SCLT1: variants seen among roughly 807,000 people sequenced by gnomAD.
SCLT1 encodes the protein sodium channel-associated protein 1.
In SCLT1, 78 loss-of-function variants were observed where a neutral mutation model predicts 112.8. The ratio of observed to expected loss-of-function variants is 0.69; its 90% CI spans 0.58 to 0.83. SCLT1 has a LOEUF of 0.83. Among genes scored for constraint, SCLT1 ranks in the 40% least tolerant of loss-of-function variants. The pLI is 0.00. For missense variants in SCLT1, 747 were observed against 770.4 expected (o/e 0.97, Z 0.36); for synonymous variants, 257 against 254.7 (o/e 1.01, Z -0.09).
chr4:128,905,155 T>C (rs1214442028), intron 18 of SCLT1, among the ~76,000 whole-genome samples: 2 of 152,208 alleles, frequency 1.3e-5, no homozygotes, highest in East Asian at 3.9e-4. Context: ...ACTTCTTATC[T>C]ATCTCTTCCT....
chr4:128,907,170 T>G (rs1398813052), intron 18 of SCLT1, among the ~76,000 whole-genome samples: 3 of 151,974 alleles, frequency 2.0e-5, no homozygotes, highest in Non-Finnish European at 4.4e-5. Flanking sequence ...AAGCTGGAAG[T>G]GCAAGGAAAT....
chr4:128,874,167 G>C (rs1732401262), intron 5 of SCLT1: 3 of 152,544 alleles, frequency 2.0e-5, no homozygotes, highest in African/African-American at 7.2e-5. Flanking sequence ...TTAAAAATTA[G>C]ATTTTTTTTG....
chr4:128,994,229 TA>T (rs934054427), intron 8 of SCLT1, among the ~76,000 whole-genome samples: 1 of 152,118 alleles, frequency 6.6e-6, no homozygotes, highest in Non-Finnish European at 1.5e-5. Context: ...TCTGTTTCTA[TA>T]AATCTGTCTA....
chr4:128,926,245 C>T (rs900170635), intron 18 of SCLT1, among the ~76,000 whole-genome samples: 7 of 151,982 alleles, frequency 4.6e-5, no homozygotes, highest in African/African-American at 1.7e-4. Context: ...ATTCTTTTTA[C>T]TCTAGGCTAG....
intron 17 of SCLT1, among the ~76,000 whole-genome samples, chr4:128,939,758 A>C (rs1737523164): frequency 1.3e-5 from 2 of 152,302 alleles, no homozygotes; most frequent in South Asian, 4.1e-4. Context: ...CATATGATAA[A>C]TTGTTAAGGT....
At chr4:128,997,317 G>A (rs1743095677) in intron 8 of SCLT1, 1 of 151,840 alleles carries the variant, frequency 6.6e-6, no homozygotes, top group African/African-American at 2.4e-5. Flanking sequence ...ATTACCTGAA[G>A]TGTCATAATT....
chr4:129,075,431 A>G (rs1409963883), intron 2 of SCLT1, among the ~76,000 whole-genome samples: 1 of 152,174 alleles, frequency 6.6e-6, no homozygotes, highest in East Asian at 1.9e-4. Context: ...GTAATGTGTT[A>G]AATCATCAAT....
intron 1 of SCLT1, among the ~76,000 whole-genome samples, chr4:129,088,758 T>C (rs1752602075): frequency 6.6e-6 from 1 of 152,158 alleles, no homozygotes; most frequent in Non-Finnish European, 1.5e-5. Context: ...GGGGAAAAGA[T>C]TCCCTATTTA....
intron 4 of SCLT1, chr4:128,874,508 T>TA (rs3836574): frequency 0.48 from 73,073 of 151,612 alleles, 19,660 homozygotes; most frequent in African/African-American, 0.73. Flanking sequence ...CAAAAAATAT[T>TA]AAAAAAAACC....
chr4:129,037,180 G>A (rs373405893), intron 5 of SCLT1: 2 of 151,542 alleles, frequency 1.3e-5, no homozygotes, highest in South Asian at 2.1e-4. Context: ...AAAAAATTCT[G>A]TTCATCAAAC....
chr4:129,016,272 C>A (rs1421030839), intron 5 of SCLT1, among the ~76,000 whole-genome samples: 1 of 152,132 alleles, frequency 6.6e-6, no homozygotes, highest in Non-Finnish European at 1.5e-5. Context: ...TCAACTATCA[C>A]CTAGGTATTA....
intron 14 of SCLT1, among the ~76,000 whole-genome samples, chr4:128,950,485 T>C (rs1005174999): frequency 1.3e-5 from 2 of 152,202 alleles, no homozygotes; most frequent in Non-Finnish European, 2.9e-5. Context: ...TAAAAATTAC[T>C]ATTACAAAGT....
intron 5 of SCLT1, chr4:129,037,488 C>G (rs1747286836): frequency 6.6e-6 from 1 of 152,086 alleles, no homozygotes; most frequent in South Asian, 2.1e-4. Flanking sequence ...CTCTTGTAGT[C>G]AATATCCTAT....
chr4:128,948,864 T>G lies in SCLT1; in HGVS notation c.1219-294A>C, dbSNP rs73850062. 5.8e-3 allele frequency among the ~76,000 whole-genome samples: 876 copies of G among 152,304 alleles called. 3 individuals carry two copies. The highest frequency in any genetic ancestry group is 0.017 in the Admixed American group (265 of 15,310). Reference sequence around the variant, plus strand: ...CTTTCTCATACTATAGATTTTCTTTTCATATACTCTTATCAAGTATTTTGA... The same window carrying G: ...CTTTCTCATACTATAGATTTTCTTTGCATATACTCTTATCAAGTATTTTGA... On this transcript the variant is annotated intron_variant, in intron 14 of 20. Transcript: ENST00000281142.
chr4:128,993,430 A>G (rs1742745590), intron 8 of SCLT1, among the ~76,000 whole-genome samples: 1 of 151,988 alleles, frequency 6.6e-6, no homozygotes, highest in Non-Finnish European at 1.5e-5. Context: ...TGTGTTTTTG[A>G]CCATTTGGGA....
intron 18 of SCLT1, among the ~76,000 whole-genome samples, chr4:128,892,187 C>T (rs990365003): frequency 2.0e-5 from 3 of 152,152 alleles, no homozygotes; most frequent in Non-Finnish European, 4.4e-5. Context: ...TATTCTATTG[C>T]TTTTAGCCAA....
At chr4:128,996,739 C>T (rs1328147046) in intron 8 of SCLT1, among the ~76,000 whole-genome samples, 3 of 152,102 alleles carry the variant, frequency 2.0e-5, no homozygotes, top group Middle Eastern at 3.4e-3. Flanking sequence ...TCAGTTTTCT[C>T]GTATCCAGTT....
chr4:129,055,407 G>A (rs746977972), intron 2 of SCLT1, among the ~76,000 whole-genome samples: 18 of 152,226 alleles, frequency 1.2e-4, no homozygotes, highest in Admixed American at 2.0e-4. Flanking sequence ...CAGGTGCTCT[G>A]TCCCAGGGGG....
At chr4:128,901,192 AATC>A (rs1734259920) in intron 18 of SCLT1, among the ~76,000 whole-genome samples, 1 of 152,294 alleles carries the variant, frequency 6.6e-6, no homozygotes, top group East Asian at 1.9e-4. Context: ...AAGGATTATA[AATC>A]ATGCTGCTAT....
Sources: gnomAD v4.1 joint callset for allele counts (sites outside exome capture counted in the v4.1 genomes callset) on GRCh38, gnomAD v4.1.1 for gene constraint, MANE v1.5 for transcripts, NCBI Gene and HGNC (gene_info 2026-07-23, HGNC 2026-07-21) for gene names.